Variants in NCOA1 observed in about 807,000 individuals in gnomAD.
NCOA1 encodes the protein Hin-2 protein.
A neutral mutation model predicts 150.9 loss-of-function variants in NCOA1; 35 were observed. The ratio of observed to expected loss-of-function variants is 0.23; its 90% CI spans 0.18 to 0.31. The LOEUF is 0.31. Among genes scored for constraint, NCOA1 ranks in the 10% least tolerant of loss-of-function variants. NCOA1 has a pLI of 1.00. For synonymous variants in NCOA1, 590 were observed against 630.0 expected, an observed-to-expected ratio of 0.94 and a Z score of 0.95; for missense variants, 1,491 against 1,749.3, an observed-to-expected ratio of 0.85 and a Z score of 2.63.
chr2:24,751,533 A>G (rs1664240310), intron 19 of NCOA1, among the ~76,000 whole-genome samples: 1 of 151,634 alleles, frequency 6.6e-6, no homozygotes, highest in Non-Finnish European at 1.5e-5. Flanking sequence ...CAGTGAGCCA[A>G]GATCGCACCA....
chr2:24,701,967 G>T (rs915904658), intron 11 of NCOA1, among the ~76,000 whole-genome samples: 4 of 152,150 alleles, frequency 2.6e-5, no homozygotes, highest in African/African-American at 9.7e-5. Flanking sequence ...GCGAGATCAT[G>T]CCACTGCACT....
chr2:24,513,557 T>C (rs375949422), intron 1 of NCOA1, among the ~76,000 whole-genome samples: 6 of 152,206 alleles, frequency 3.9e-5, no homozygotes, highest in African/African-American at 1.4e-4. Context: ...TGAACATATG[T>C]GCATTTCTAT....
rs867642029 is a variant in NCOA1 at position 24,531,937 on chromosome 2, A to G, written c.-395-32358A>G. On this transcript the variant is annotated intron_variant, in intron 1 of 22. Transcript: ENST00000348332. Reference sequence around the variant, plus strand: ...AACATACGTGTGCATGTGTCTTTATAGTAGCATGATTTATAATCCTTTGGG... The same window carrying G: ...AACATACGTGTGCATGTGTCTTTATGGTAGCATGATTTATAATCCTTTGGG... Among the ~76,000 whole-genome samples the G allele has an allele frequency of 3.7e-4, 57 of 152,310 alleles. No individual in the cohort carries two copies. In the Middle Eastern group the frequency reaches 0.01, roughly 27 times the overall value.
In NCOA1 at chr2:24,710,968, C is replaced by A; in HGVS notation, c.2456C>A (p.Pro819His). ...CTTGACCAGTTTGATCAGTTACTGC[C>A]CACGCTGGAGAAGGCAGCACAGTTG... ...ADLDQFDQLL[P>H]TLEKAAQLPG... is the part of the protein sequence containing the mutation. Residue 819 changes from proline (P) to histidine (H), a missense_variant, in exon 14 of 23, where the codon CCC becomes CAC. By Grantham distance (77) the Pro-to-His change is moderately conservative. Around this residue, in one of 8 missense-constraint regions of NCOA1, gnomAD observed 703 missense variants for 717.7 expected, o/e 0.98. Coordinates refer to ENST00000348332, the MANE Select transcript of NCOA1 (RefSeq NM_003743.5). 1 of 1,614,118 alleles carries A rather than the reference C, an allele frequency of 6.2e-7. No homozygotes were observed.
At chr2:24,702,362 C>G (rs1673205378) in intron 11 of NCOA1, among the ~76,000 whole-genome samples, 2 of 152,104 alleles carry the variant, frequency 1.3e-5, no homozygotes, top group Admixed American at 6.5e-5. Flanking sequence ...ATTTAGGTGA[C>G]TACCACAAAG....
intron 2 of NCOA1, among the ~76,000 whole-genome samples, chr2:24,565,307 T>C (rs571286387): frequency 1.3e-5 from 2 of 152,338 alleles, no homozygotes; most frequent in South Asian, 4.1e-4. Flanking sequence ...TTATTTTAAT[T>C]ATATTTTTCC....
At chr2:24,738,682 G>T (rs531776826) in intron 17 of NCOA1, among the ~76,000 whole-genome samples, 1 of 152,154 alleles carries the variant, frequency 6.6e-6, no homozygotes, top group Non-Finnish European at 1.5e-5. Context: ...TAAAATTTCT[G>T]CAGTAAATAA....
At chr2:24,734,799 G>C (rs1170754999) in intron 17 of NCOA1, among the ~76,000 whole-genome samples, 1 of 140,366 alleles carries the variant, frequency 7.1e-6, no homozygotes, top group African/African-American at 2.6e-5. Flanking sequence ...GCAAGACCTT[G>C]TCTCTAAAAA....
chr2:24,563,840 T>C (rs2148259982), intron 1 of NCOA1, among the ~76,000 whole-genome samples: 1 of 152,338 alleles, frequency 6.6e-6, no homozygotes, highest in Non-Finnish European at 1.5e-5. Flanking sequence ...TAATTTGTAA[T>C]ATCCCACTTC....
chr2:24,582,639 A>G (rs567340091), intron 2 of NCOA1, among the ~76,000 whole-genome samples: 20 of 152,194 alleles, frequency 1.3e-4, no homozygotes, highest in Non-Finnish European at 2.4e-4. Flanking sequence ...GACGACCCCA[A>G]ATAGGCAAAG....
intron 14 of NCOA1, among the ~76,000 whole-genome samples, chr2:24,719,052 A>C (rs1202076241): frequency 6.6e-6 from 1 of 150,900 alleles, no homozygotes; most frequent in Non-Finnish European, 1.5e-5. Flanking sequence ...AAAAAAAAAA[A>C]AAACCCCAAA....
intron 13 of NCOA1, among the ~76,000 whole-genome samples, 175 bp downstream of exon 13, chr2:24,708,063 T>C (rs922609738): frequency 6.6e-6 from 1 of 152,220 alleles, no homozygotes; most frequent in African/African-American, 2.4e-5. Context: ...AAGTTTTCTT[T>C]AGAACTTCAG....
chr2:24,624,980 A>G (rs1669341684), intron 3 of NCOA1, among the ~76,000 whole-genome samples: 2 of 152,204 alleles, frequency 1.3e-5, no homozygotes, highest in African/African-American at 4.8e-5. Context: ...GTGTGAAAGC[A>G]GCCATAGACA....
chr2:24,515,490 G>T lies in NCOA1; in HGVS notation c.-396+23888G>T, dbSNP rs1664126928. Among the ~76,000 whole-genome samples, 4 of 152,270 alleles carry T rather than the reference G, an allele frequency of 2.6e-5. No homozygotes were observed. In the South Asian group the frequency reaches 8.3e-4, roughly 32 times the overall value. ...GGGCTCAAGCAGTCCTCCTGCCACGGCCTCCTAGAGTTCTGGGTATTACAG... is the reference window on the plus strand; with the variant it reads ...GGGCTCAAGCAGTCCTCCTGCCACGTCCTCCTAGAGTTCTGGGTATTACAG... On this transcript the variant is annotated intron_variant, in intron 1 of 22. Transcript: ENST00000348332.
At chr2:24,557,953 T>G (rs1440809406) in intron 1 of NCOA1, among the ~76,000 whole-genome samples, 1 of 151,476 alleles carries the variant, frequency 6.6e-6, no homozygotes, top group African/African-American at 2.4e-5. Context: ...TGGTGTTTAT[T>G]ATGAAGGGTT....
At chr2:24,740,716 T>A (rs1184374222) in intron 18 of NCOA1, among the ~76,000 whole-genome samples, 1 of 152,220 alleles carries the variant, frequency 6.6e-6, no homozygotes, top group South Asian at 2.1e-4. Flanking sequence ...TAAATCTTAG[T>A]GCTAGCTAAT....
intron 1 of NCOA1, among the ~76,000 whole-genome samples, chr2:24,547,702 G>C (rs1216820735): frequency 6.6e-6 from 1 of 151,692 alleles, no homozygotes; most frequent in Non-Finnish European, 1.5e-5. Context: ...AAAAAAGGAT[G>C]AGGGAGCCAG....
intron 21 of NCOA1, among the ~76,000 whole-genome samples, chr2:24,760,000 T>C (rs1442626567): frequency 6.6e-6 from 1 of 151,824 alleles, no homozygotes; most frequent in Non-Finnish European, 1.5e-5. Flanking sequence ...ATTGACTATT[T>C]AAAGAAAATT....
intron 19 of NCOA1, among the ~76,000 whole-genome samples, chr2:24,744,743 C>A (rs1298363484): frequency 6.6e-6 from 1 of 152,196 alleles, no homozygotes; most frequent in Non-Finnish European, 1.5e-5. Flanking sequence ...GGTCCATAAT[C>A]CAGCCCAGTT....
Sources: allele counts gnomAD v4.1 joint callset (sites outside exome capture counted in the v4.1 genomes callset), GRCh38; gene constraint gnomAD v4.1.1; regional missense constraint gnomAD v4.1.1; transcripts MANE v1.5; gene names NCBI Gene and HGNC (gene_info 2026-07-23, HGNC 2026-07-21).